The following ERBIN variants were observed in gnomAD, a reference collection of about 807,000 sequenced individuals.
ERBIN encodes erbb2 interacting protein, also known as densin-180-like protein.
Under a neutral mutation model 158.4 loss-of-function variants are expected in ERBIN, and 60 were observed. The ratio of observed to expected loss-of-function variants is 0.38; its 90% CI spans 0.31 to 0.47. ERBIN has a LOEUF of 0.47. ERBIN is among the 20% of genes least tolerant of loss of function. The pLI is 0.99. For missense variants in ERBIN, 1,610 were observed against 1,648.0 expected (o/e 0.98, Z 0.40); for synonymous variants, 594 against 557.2 (o/e 1.07, Z -0.93).
intron 1 of ERBIN, among the ~76,000 whole-genome samples, chr5:65,956,933 G>A (rs1174112099): frequency 2.6e-5 from 4 of 152,126 alleles, no homozygotes; most frequent in Non-Finnish European, 5.9e-5. Flanking sequence ...ACAGGTGTGA[G>A]CCACCACACC....
At chr5:66,018,943 A>G (rs1436676975) in intron 7 of ERBIN, among the ~76,000 whole-genome samples, 1 of 149,476 alleles carries the variant, frequency 6.7e-6, no homozygotes, top group Non-Finnish European at 1.5e-5. Context: ...CCGGTATGTC[A>G]TATTTTTTGT....
chr5:66,079,811 C>T lies in ERBIN; in HGVS notation c.*1281C>T, dbSNP rs1762302816. 1 of 152,412 alleles carries T rather than the reference C, an allele frequency of 6.6e-6. No homozygotes were observed. Among genetic ancestry groups the T allele is most frequent in the South Asian group, 2.1e-4 (1 of 4,830 alleles). 9.4% of individuals were successfully genotyped at this position (152,412 alleles called of 1,614,324 possible). The stretch of plus-strand genomic sequence containing the variant: ...TGTGTATCAGTGTAATAGTGTTTTA[C>T]CACCAACTGCCTTTCTTTGTTCCTA... On this transcript the variant is annotated 3_prime_UTR_variant, in exon 26 of 26. Coordinates refer to ENST00000284037, the MANE Select transcript of ERBIN (RefSeq NM_001253697.2).
intron 25 of ERBIN, among the ~76,000 whole-genome samples, chr5:66,078,140 C>T (rs747352326): frequency 6.6e-6 from 1 of 152,168 alleles, no homozygotes; most frequent in Non-Finnish European, 1.5e-5. Flanking sequence ...CTCAGATACA[C>T]ATTAGCATTA....
At chr5:66,077,046 G>A in intron 25 of ERBIN, 97 bp downstream of exon 25, 1 of 901,312 alleles carries the variant, frequency 1.1e-6, no homozygotes, top group Non-Finnish European at 1.7e-6. Context: ...TTGTGGGTGG[G>A]AGGCTGAGGC....
At chr5:66,018,572 TTA>T (rs1554058890) in intron 7 of ERBIN, among the ~76,000 whole-genome samples, 1 of 29,868 alleles carries the variant, frequency 3.3e-5, no homozygotes, top group Non-Finnish European at 5.3e-5. Context: ...ATATATTATA[TTA>T]TATAATATAT....
At chr5:65,948,919 A>G (rs988981641) in intron 1 of ERBIN, among the ~76,000 whole-genome samples, 8 of 151,840 alleles carry the variant, frequency 5.3e-5, no homozygotes, top group African/African-American at 1.5e-4. Flanking sequence ...ATTTTCCACC[A>G]TGTCCGGCTA....
chr5:66,039,332 T>C (rs1237427673), intron 15 of ERBIN, among the ~76,000 whole-genome samples: 1 of 151,886 alleles, frequency 6.6e-6, no homozygotes, highest in Non-Finnish European at 1.5e-5. Context: ...ACCAAGCATT[T>C]CACATAAGGG....
intron 1 of ERBIN, among the ~76,000 whole-genome samples, chr5:65,966,239 TAAAC>T (rs997122591): frequency 6.6e-5 from 10 of 152,358 alleles, no homozygotes; most frequent in African/African-American, 2.4e-4. Flanking sequence ...GATGTTTGTG[TAAAC>T]AAACTTTCTG....
intron 4 of ERBIN, among the ~76,000 whole-genome samples, chr5:66,005,372 A>G (rs1469396755): frequency 6.6e-6 from 1 of 152,074 alleles, no homozygotes; most frequent in Non-Finnish European, 1.5e-5. Flanking sequence ...AAAAATCAGG[A>G]GCTCAGTTTT....
intron 4 of ERBIN, among the ~76,000 whole-genome samples, chr5:65,997,501 C>T (rs1476524016): frequency 6.6e-6 from 1 of 152,028 alleles, no homozygotes; most frequent in Non-Finnish European, 1.5e-5. Context: ...AAGTCCTTAC[C>T]TCAGAAGGAG....
intron 12 of ERBIN, 127 bp downstream of exon 12, chr5:66,026,104 A>C: frequency 1.1e-6 from 1 of 884,332 alleles, no homozygotes; most frequent in South Asian, 2.2e-5. Flanking sequence ...TTATTTTCTG[A>C]ATAATTAGCT....
At chr5:65,947,168 A>G (rs1467241260) in intron 1 of ERBIN, among the ~76,000 whole-genome samples, 2 of 151,954 alleles carry the variant, frequency 1.3e-5, no homozygotes, top group African/African-American at 2.4e-5. Context: ...CTTTTTGGCT[A>G]TTTTTGTATC....
In ERBIN at chr5:65,992,799, T is replaced by G; in HGVS notation, c.81T>G (p.Leu27=). The change falls in exon 3 of 26, where the codon CTT becomes CTG. Residue 27 remains leucine (L), a synonymous_variant. Coordinates refer to ENST00000284037, the MANE Select transcript of ERBIN (RefSeq NM_001253697.2). The stretch of plus-strand genomic sequence containing the variant: ...GGGAAGAGGAGACTGTCACTACTCT[T>G]GATTATTCTCATTGCAGCTTAGAAC... ...LRGEEETVTT[L]DYSHCSLEQV... is the part of the protein sequence containing the mutation. The G allele has an allele frequency of 1.2e-6, 2 of 1,613,922 alleles. No homozygotes were observed. The highest frequency in any genetic ancestry group is 8.5e-7 in the Non-Finnish European group (1 of 1,179,864).
chr5:66,025,535 G>A lies in ERBIN; in HGVS notation c.873G>A (p.Leu291=), dbSNP rs148933226. 1.2e-6 allele frequency: 2 copies of A among 1,612,176 alleles called. No homozygotes were observed. Among genetic ancestry groups the A allele is most frequent in the Admixed American group, 3.3e-5 (2 of 59,982 alleles). Residue 291 remains leucine, a synonymous_variant, in exon 11 of 26, where the codon CTG becomes CTA. Coordinates refer to ENST00000284037, the MANE Select transcript of ERBIN (RefSeq NM_001253697.2). ...LKIDENQLMY[L]PDSIGGLISV... ...TAGATGAAAACCAGTTAATGTATCT[G>A]CCAGACTCTATAGGAGGGTAAGTTT...
chr5:66,053,506 T>C lies in ERBIN; in HGVS notation c.2188T>C (p.Leu730=), dbSNP rs1225641444. ...FKAHDKKDFN[L]PEYDLNVEER... ...AGCTCATGATAAAAAAGATTTTAACTTACCTGAATATGATTTGAATGTTGA... is the reference window on the plus strand; with the variant it reads ...AGCTCATGATAAAAAAGATTTTAACCTACCTGAATATGATTTGAATGTTGA... The change falls in exon 21 of 26, where the codon TTA becomes CTA. Residue 730 remains leucine (L), a synonymous_variant. Transcript: ENST00000284037. 1.2e-6 allele frequency: 2 copies of C among 1,610,340 alleles called. No homozygotes were observed. Among genetic ancestry groups the C allele is most frequent in the Admixed American group, 1.7e-5 (1 of 58,840 alleles).
At chr5:66,035,139 T>C (rs1010129534) in intron 14 of ERBIN, among the ~76,000 whole-genome samples, 2 of 152,228 alleles carry the variant, frequency 1.3e-5, no homozygotes, top group Admixed American at 6.5e-5. Context: ...GTGCTTCTCA[T>C]GGTTACCCTA....
At chr5:65,955,991 A>G (rs915119308) in intron 1 of ERBIN, among the ~76,000 whole-genome samples, 1 of 152,204 alleles carries the variant, frequency 6.6e-6, no homozygotes, top group African/African-American at 2.4e-5. Context: ...TAGCTGTCTC[A>G]GTTATTAGAG....
intron 21 of ERBIN, among the ~76,000 whole-genome samples, chr5:66,057,813 G>C (rs9765778): frequency 2.7e-5 from 4 of 149,416 alleles, no homozygotes; most frequent in Non-Finnish European, 5.9e-5. Flanking sequence ...TTGGTTTTTC[G>C]TCCTTGTGAT....
chr5:65,993,278 T>C (rs1297827764), intron 3 of ERBIN, among the ~76,000 whole-genome samples: 2 of 152,232 alleles, frequency 1.3e-5, no homozygotes, highest in Non-Finnish European at 2.9e-5. Flanking sequence ...TGTATTGTTA[T>C]AATTGAGGGC....
Sources: allele counts gnomAD v4.1 joint callset (sites outside exome capture counted in the v4.1 genomes callset), GRCh38; gene constraint gnomAD v4.1.1; transcripts MANE v1.5; gene names NCBI Gene and HGNC (gene_info 2026-07-23, HGNC 2026-07-21).